The following JADE1 variants were observed in gnomAD, a reference collection of about 807,000 sequenced individuals.
JADE1 encodes protein Jade-1.
Under a neutral mutation model 81.8 loss-of-function variants are expected in JADE1, and 14 were observed. The observed-to-expected ratio is 0.17, with a 90% CI of 0.11 to 0.27. The LOEUF (loss-of-function observed/expected upper bound fraction) is 0.27. JADE1 is among the 10% of genes least tolerant of loss of function. The pLI is 1.00. For missense variants in JADE1, 690 were observed against 1,047.9 expected, an observed-to-expected ratio of 0.66 and a Z score of 4.71; for synonymous variants, 353 against 391.9, an observed-to-expected ratio of 0.90 and a Z score of 1.17.
chr4:128,853,489 A>G (rs1560763779), intron 6 of JADE1, among the ~76,000 whole-genome samples: 1 of 152,224 alleles, frequency 6.6e-6, no homozygotes, highest in East Asian at 1.9e-4. Flanking sequence ...ATCCACAGAA[A>G]GGGAAACCCT....
At chr4:128,825,288 C>T (rs549342550) in intron 1 of JADE1, among the ~76,000 whole-genome samples, 3 of 152,328 alleles carry the variant, frequency 2.0e-5, no homozygotes, top group East Asian at 1.9e-4. Flanking sequence ...GATATGCCTG[C>T]CTCGGCCTCC....
chr4:128,861,206 T>G (rs1011963785), intron 8 of JADE1, among the ~76,000 whole-genome samples: 1 of 152,234 alleles, frequency 6.6e-6, no homozygotes, highest in Admixed American at 6.5e-5. Flanking sequence ...ACTTTGCATA[T>G]TGAGTACAGA....
At chr4:128,815,057 T>C (rs1726876742) in intron 1 of JADE1, among the ~76,000 whole-genome samples, 2 of 149,724 alleles carry the variant, frequency 1.3e-5, no homozygotes, top group African/African-American at 2.5e-5. Context: ...TAACTTTTTT[T>C]TTTTTTTTTT....
chr4:128,874,330 G>A lies in JADE1; in HGVS notation c.*2068G>A, dbSNP rs1344495485. 1.3e-5 allele frequency: 2 copies of A among 152,522 alleles called. No individual in the cohort carries two copies. Among genetic ancestry groups the A allele is most frequent in the East Asian group, 3.9e-4 (2 of 5,194 alleles). 9.4% of individuals were successfully genotyped at this position (152,522 alleles called of 1,614,324 possible). A position where few individuals can be genotyped will look rare whatever the true frequency, so the allele number is the denominator to read the frequency against. On this transcript the variant is annotated 3_prime_UTR_variant, in exon 11 of 11. Transcript: ENST00000226319. Reference sequence around the variant, plus strand: ...AAGAAAATCTAAATTAATCTAGTAAGTGTATGACCTCTCACCATTTTAAGA... The same window carrying A: ...AAGAAAATCTAAATTAATCTAGTAAATGTATGACCTCTCACCATTTTAAGA...
chr4:128,861,146 C>A (rs999014995), intron 8 of JADE1, among the ~76,000 whole-genome samples: 5 of 152,126 alleles, frequency 3.3e-5, no homozygotes, highest in Admixed American at 2.6e-4. Context: ...CAGGTTTGCA[C>A]CAAAAGAGCT....
At chr4:128,862,975 C>T (rs1731482247) in intron 9 of JADE1, 9 of 985,612 alleles carry the variant, frequency 9.1e-6, no homozygotes, top group Non-Finnish European at 9.6e-6. Flanking sequence ...GGGTGGGATT[C>T]CTGGTGGACA....
chr4:128,831,320 AC>A (rs1354235676), intron 1 of JADE1: 2 of 160,304 alleles, frequency 1.2e-5, no homozygotes, highest in Non-Finnish European at 2.7e-5. Flanking sequence ...TCCAGGCACA[AC>A]CCCACCCCAC....
rs182866991 is a variant in JADE1 at position 128,838,423 on chromosome 4, G to A, written c.53-4530G>A. ...TAGACATTATTAGCAGATTTTTAGAGTTCCTAACTCCTTTCCTGAAAGCGA... is the reference window on the plus strand; with the variant it reads ...TAGACATTATTAGCAGATTTTTAGAATTCCTAACTCCTTTCCTGAAAGCGA... On this transcript the variant is annotated intron_variant, in intron 2 of 10. Coordinates refer to ENST00000226319, the MANE Select transcript of JADE1 (RefSeq NM_199320.4). Among the ~76,000 whole-genome samples, 470 of 152,230 alleles carry A rather than the reference G, an allele frequency of 3.1e-3. 10 individuals carry two copies. Among genetic ancestry groups the A allele is most frequent in the Non-Finnish European group, 1.8e-3 (124 of 68,014 alleles).
In JADE1 at chr4:128,836,067, G is replaced by A. The variant is rs549771263; in HGVS notation, c.52+4257G>A. 1.4e-3 allele frequency among the ~76,000 whole-genome samples: 219 copies of A among 152,212 alleles called. 1 individual carries two copies. Among genetic ancestry groups the A allele is most frequent in the African/African-American group, 5.0e-3 (208 of 41,544 alleles). On this transcript the variant is annotated intron_variant, in intron 2 of 10. Transcript: ENST00000226319. ...GCCAGTCTCTGAAGTTACGCATTGC[G>A]CCAGAGCATGGCCAAGGGAAACAAG...
rs1282809578 is a variant in JADE1, at chr4:128,873,039, T to C, written c.*777T>C. On this transcript the variant is annotated 3_prime_UTR_variant, in exon 11 of 11. Coordinates refer to ENST00000226319, the MANE Select transcript of JADE1 (RefSeq NM_199320.4). ...GAAGTAGAATTTTTACCAGTCCACTTGACCTTCTTCTTCCCTAACCACTGG... is the reference window on the plus strand; with the variant it reads ...GAAGTAGAATTTTTACCAGTCCACTCGACCTTCTTCTTCCCTAACCACTGG... 1 of 396,970 alleles carries C rather than the reference T, an allele frequency of 2.5e-6. No homozygotes were observed. Among genetic ancestry groups the C allele is most frequent in the South Asian group, 1.8e-5 (1 of 56,040 alleles). 24.6% of individuals were successfully genotyped at this position (396,970 alleles called of 1,614,324 possible).
At chr4:128,826,640 A>G (rs777425540) in intron 1 of JADE1, among the ~76,000 whole-genome samples, 5 of 151,880 alleles carry the variant, frequency 3.3e-5, no homozygotes, top group Non-Finnish European at 7.4e-5. Flanking sequence ...CATGCAGATA[A>G]TATGCCTGCC....
At chr4:128,862,435 G>GT in intron 9 of JADE1, 1 of 1,375,470 alleles carries the variant, frequency 7.3e-7, no homozygotes, top group Non-Finnish European at 9.4e-7. Flanking sequence ...GAGCTTCTTT[G>GT]TGGTTTTTTT....
chr4:128,815,473 T>TA (rs1415190852), intron 1 of JADE1, among the ~76,000 whole-genome samples: 1 of 152,186 alleles, frequency 6.6e-6, no homozygotes, highest in Non-Finnish European at 1.5e-5. Context: ...GCCTGGATTT[T>TA]AAAAAAGCAG....
In JADE1 at chr4:128,861,905, A is replaced by T; in HGVS notation, c.1183A>T (p.Asn395Tyr). Reference sequence around the variant, plus strand: ...TGGGGCCCCTGAGTGTTCCCCCCGGAATCCGCTGGAGCCCTTTGCCAGCCT... The same window carrying T: ...TGGGGCCCCTGAGTGTTCCCCCCGGTATCCGCTGGAGCCCTTTGCCAGCCT... ...ENGAPECSPR[N>Y]PLEPFASLEQ... Residue 395 changes from asparagine to tyrosine, a missense_variant, in exon 9 of 11, where the codon AAT (asparagine) becomes TAT (tyrosine). This residue lies in a region of JADE1 where 77 missense variants were observed against 76.4 expected (regional missense o/e 1.01). Coordinates refer to ENST00000226319, the MANE Select transcript of JADE1 (RefSeq NM_199320.4). The T allele has an allele frequency of 6.2e-7, 1 of 1,614,020 alleles. No homozygotes were observed. The highest frequency in any genetic ancestry group is 1.1e-5 in the South Asian group (1 of 91,070).
chr4:128,849,310 C>A, intron 5 of JADE1, 143 bp downstream of exon 5: 1 of 674,508 alleles, frequency 1.5e-6, no homozygotes, highest in Non-Finnish European at 2.4e-6. Context: ...CGCAGCCCTG[C>A]CTTAGATCTC....
At chr4:128,842,306 C>CTTTCT (rs534706270) in intron 2 of JADE1, among the ~76,000 whole-genome samples, 3,116 of 144,598 alleles carry the variant, frequency 0.022, 91 homozygotes, top group African/African-American at 0.07. Flanking sequence ...TTCTTTCTTT[C>CTTTCT]TTTTTTTTTT....
At chr4:128,839,822 T>C (rs1729284205) in intron 2 of JADE1, among the ~76,000 whole-genome samples, 1 of 152,158 alleles carries the variant, frequency 6.6e-6, no homozygotes, top group African/African-American at 2.4e-5. Context: ...AGTCTGTTGG[T>C]GGATGTTTAG....
rs756164073 is a variant in JADE1 at position 128,846,500 on chromosome 4, G to A, written c.264G>A (p.Val88=). 3 of 1,614,158 alleles carry A rather than the reference G, an allele frequency of 1.9e-6. No individual in the cohort carries two copies. The highest frequency in any genetic ancestry group is 2.7e-5 in the African/African-American group (2 of 75,036). ...QEWEKGVQVP[V]SPGTIPQPVA... is the part of the protein sequence containing the mutation. ...GGGAGAAAGGGGTCCAGGTGCCTGT[G>A]AGCCCGGGGACCATCCCTCAGCCTG... Residue 88 remains valine, a synonymous_variant, in exon 4 of 11, where the codon GTG becomes GTA. Transcript: ENST00000226319. The surrounding 1 kb of genome is among the most constrained non-coding windows in gnomAD (Gnocchi z 4.0).
chr4:128,851,249 T>C (rs1730330488), intron 5 of JADE1, among the ~76,000 whole-genome samples: 1 of 152,192 alleles, frequency 6.6e-6, no homozygotes, highest in African/African-American at 2.4e-5. Flanking sequence ...TGGTTAACTA[T>C]GTTTTTCAAC....
Sources: gnomAD v4.1 joint callset for allele counts (sites outside exome capture counted in the v4.1 genomes callset) on GRCh38, gnomAD v4.1.1 for gene constraint, gnomAD v4.1.1 regional missense constraint, Gnocchi (gnomAD v3.1) non-coding constraint, MANE v1.5 for transcripts, NCBI Gene and HGNC (gene_info 2026-07-23, HGNC 2026-07-21) for gene names.